Variants in GARNL3 observed in about 807,000 individuals in gnomAD.
GARNL3 encodes the protein GTPase activating Rap/RanGAP domain like 3.
GARNL3 carries 63 observed loss-of-function variants against 125.0 expected under a neutral mutation model. The ratio of observed to expected loss-of-function variants is 0.50; its 90% CI spans 0.41 to 0.62. The LOEUF (loss-of-function observed/expected upper bound fraction) is 0.62, where lower values mean the gene tolerates loss of function less well. GARNL3 is among the 20% of genes least tolerant of loss of function. The pLI is 0.00. For synonymous variants in GARNL3, 439 were observed against 457.5 expected, an observed-to-expected ratio of 0.96 and a Z score of 0.52; for missense variants, 994 against 1,244.0, an observed-to-expected ratio of 0.80 and a Z score of 3.02.
At chr9:127,323,308 G>A (rs1481797160) in intron 6 of GARNL3, among the ~76,000 whole-genome samples, 1 of 152,212 alleles carries the variant, frequency 6.6e-6, no homozygotes, top group African/African-American at 2.4e-5. Context: ...GTGGGACATT[G>A]GCAAACCAGG....
chr9:127,307,904 G>A (rs1167854369), intron 2 of GARNL3, among the ~76,000 whole-genome samples: 2 of 152,174 alleles, frequency 1.3e-5, no homozygotes, highest in Non-Finnish European at 2.9e-5. Context: ...AACCACTGTG[G>A]AGTCTGGCTG....
intron 1 of GARNL3, among the ~76,000 whole-genome samples, chr9:127,267,877 A>T (rs571162743): frequency 6.6e-6 from 1 of 152,302 alleles, no homozygotes; most frequent in African/African-American, 2.4e-5. Flanking sequence ...ATAAAATTGA[A>T]ATTTTAGCAT....
At chr9:127,319,618 T>C (rs2065340456) in intron 5 of GARNL3, among the ~76,000 whole-genome samples, 1 of 152,236 alleles carries the variant, frequency 6.6e-6, no homozygotes, top group Admixed American at 6.5e-5. Flanking sequence ...TGAGCAGTTC[T>C]AAAGCCTGAG....
intron 10 of GARNL3, 138 bp downstream of exon 10, chr9:127,335,471 T>C (rs1829501051): frequency 1.4e-6 from 1 of 693,276 alleles, no homozygotes; most frequent in African/African-American, 1.8e-5. Flanking sequence ...CTTTTGGCGG[T>C]CTGTATTGGA....
intron 16 of GARNL3, among the ~76,000 whole-genome samples, chr9:127,348,717 C>T (rs1830270866): frequency 6.6e-6 from 1 of 152,256 alleles, no homozygotes; most frequent in African/African-American, 2.4e-5. Flanking sequence ...TGTGAATTCA[C>T]TCTTTTCCTA....
At chr9:127,324,608 TC>T (rs2065507728) in intron 6 of GARNL3, among the ~76,000 whole-genome samples, 1 of 152,250 alleles carries the variant, frequency 6.6e-6, no homozygotes, top group Non-Finnish European at 1.5e-5. Context: ...AGATGGGACT[TC>T]CTTGTAATAA....
intron 17 of GARNL3, among the ~76,000 whole-genome samples, chr9:127,349,442 A>C (rs1187938399): frequency 6.6e-6 from 1 of 152,252 alleles, no homozygotes; most frequent in Non-Finnish European, 1.5e-5. Context: ...CTGATTCAAA[A>C]AGTACTGATG....
At position 127,355,307 on chromosome 9, in the gene GARNL3, G is replaced by A. The variant is rs918149262; in HGVS notation, c.1770G>A (p.Leu590=). 1.9e-6 allele frequency: 3 copies of A among 1,613,996 alleles called. No homozygotes were observed. Among genetic ancestry groups the A allele is most frequent in the Non-Finnish European group, 1.7e-6 (2 of 1,179,882 alleles). Residue 590 remains leucine, a synonymous_variant, in exon 20 of 28, where the codon CTG becomes CTA. Transcript: ENST00000373387. ...NKLEKTKGCH[L]YAINTHHSRE... ...TCTTTCTCCTCCCAGGCTGCCACCT[G>A]TATGCTATTAACACTCACCACAGCA...
intron 1 of GARNL3, among the ~76,000 whole-genome samples, chr9:127,227,277 A>G (rs957892338): frequency 2.0e-5 from 3 of 152,174 alleles, no homozygotes; most frequent in Non-Finnish European, 4.4e-5. Flanking sequence ...GCTGTAGGAT[A>G]ATAATGATTA....
intron 2 of GARNL3, among the ~76,000 whole-genome samples, chr9:127,298,513 ACT>A (rs1318043429): frequency 1.3e-5 from 2 of 151,804 alleles, no homozygotes; most frequent in Non-Finnish European, 2.9e-5. Context: ...ATGGTTTTTA[ACT>A]CTATGCATAA....
At chr9:127,293,020 C>T (rs1290216778) in intron 2 of GARNL3, among the ~76,000 whole-genome samples, 1 of 152,198 alleles carries the variant, frequency 6.6e-6, no homozygotes, top group Non-Finnish European at 1.5e-5. Flanking sequence ...TATCAAGGAT[C>T]GAATACTGTT....
intron 12 of GARNL3, among the ~76,000 whole-genome samples, chr9:127,339,007 G>T (rs754618088): frequency 2.0e-5 from 3 of 152,182 alleles, no homozygotes; most frequent in Non-Finnish European, 2.9e-5. Flanking sequence ...AGAAAAAGAG[G>T]TTTAATTGGG....
chr9:127,332,883 A>G, intron 8 of GARNL3, 140 bp from the exon 9 acceptor site: 1 of 661,376 alleles, frequency 1.5e-6, no homozygotes, highest in Non-Finnish European at 2.7e-6. Flanking sequence ...CTCAAGAAGA[A>G]GGAAATGTGA....
intron 2 of GARNL3, among the ~76,000 whole-genome samples, chr9:127,244,771 C>T (rs190011241): frequency 2.0e-5 from 3 of 152,316 alleles, no homozygotes; most frequent in East Asian, 1.9e-4. Flanking sequence ...TAGATAAAAT[C>T]GTGATGGTCA....
intron 1 of GARNL3, among the ~76,000 whole-genome samples, chr9:127,269,403 C>A (rs749998062): frequency 1.3e-5 from 2 of 152,162 alleles, no homozygotes; most frequent in Non-Finnish European, 2.9e-5. Flanking sequence ...CTGTTGGAGT[C>A]CTGCTTTTGA....
At chr9:127,338,193 C>T (rs1382607270) in intron 12 of GARNL3, 32 bp downstream of exon 12, 1 of 1,500,704 alleles carries the variant, frequency 6.7e-7, no homozygotes, top group East Asian at 2.3e-5. Context: ...ATTGCTTGTC[C>T]TAATTCTCAT....
Position 127,311,618 on chromosome 9 carries a change from A to G in GARNL3, c.220-18A>G, listed in dbSNP as rs1489799414. On this transcript the variant is annotated intron_variant, in intron 2 of 27. Transcript: ENST00000373387. ...TTCTGAATAAGCCTCTTAATGTCAC[A>G]ACTTTGTTCCATTACAGAATGCAAC... 2.5e-6 allele frequency: 4 copies of G among 1,578,546 alleles called. No individual in the cohort carries two copies. The highest frequency in any genetic ancestry group is 1.7e-5 in the Admixed American group (1 of 59,724).
At chr9:127,313,331 A>G (rs2065145181) in intron 3 of GARNL3, 110 bp from the exon 4 acceptor site, 2 of 791,024 alleles carry the variant, frequency 2.5e-6, no homozygotes, top group Non-Finnish European at 4.5e-6. Context: ...CTTTGGGATT[A>G]TTGTTCCCTG....
intron 1 of GARNL3, among the ~76,000 whole-genome samples, chr9:127,279,698 G>A (rs182327327): frequency 1.3e-5 from 2 of 152,140 alleles, no homozygotes; most frequent in Non-Finnish European, 1.5e-5. Flanking sequence ...TTAAAGGTAT[G>A]CTTCCCTCTT....
Sources: allele counts gnomAD v4.1 joint callset (sites outside exome capture counted in the v4.1 genomes callset), GRCh38; gene constraint gnomAD v4.1.1; transcripts MANE v1.5; gene names NCBI Gene and HGNC (gene_info 2026-07-23, HGNC 2026-07-21).